CADPS: variants seen among roughly 807,000 people sequenced by gnomAD.
CADPS encodes the protein calcium dependent secretion activator.
In CADPS, 57 loss-of-function variants were observed where a neutral mutation model predicts 167.3. The observed-to-expected ratio is 0.34, with a 90% CI of 0.28 to 0.42. The LOEUF is 0.42. Ranked by LOEUF, CADPS falls within the 20% of genes least tolerant of loss-of-function variation. The pLI, the probability that CADPS is intolerant of heterozygous loss-of-function variation, is 1.00. For missense variants in CADPS, 1,414 were observed against 1,738.1 expected (o/e 0.81, Z 3.32); for synonymous variants, 676 against 635.3 (o/e 1.06, Z -0.96).
At chr3:62,432,398 T>C (rs2054165280) in intron 28 of CADPS, among the ~76,000 whole-genome samples, 1 of 152,144 alleles carries the variant, frequency 6.6e-6, no homozygotes, top group Admixed American at 6.6e-5. Flanking sequence ...GCCCCACTCC[T>C]GACCATCACT....
chr3:62,599,952 A>C (rs1188939741), intron 6 of CADPS, among the ~76,000 whole-genome samples: 1 of 114,704 alleles, frequency 8.7e-6, no homozygotes, highest in Non-Finnish European at 1.7e-5. Flanking sequence ...ATAATGTACG[A>C]TATATAATGA....
Position 62,491,769 on chromosome 3 carries a change from C to G in CADPS, c.2885-289G>C, listed in dbSNP as rs559932479. The stretch of plus-strand genomic sequence containing the variant: ...GAAACAACAGAAACAACAATCCACA[C>G]TATTTTTTTTTCTGTTTTTCTTGCA... On this transcript the variant is annotated intron_variant, in intron 20 of 29. Transcript: ENST00000383710. Among the ~76,000 whole-genome samples, 8 of 151,700 alleles carry G rather than the reference C, an allele frequency of 5.3e-5. No individual in the cohort carries two copies. In the East Asian group the frequency reaches 1.5e-3, roughly 29 times the overall value.
chr3:62,835,494 G>A (rs144645545), intron 1 of CADPS, among the ~76,000 whole-genome samples: 140 of 152,322 alleles, frequency 9.2e-4, no homozygotes, highest in African/African-American at 3.1e-3. Context: ...GTGATTGGGT[G>A]TGCTTAGCTC....
chr3:62,540,866 T>G (rs1013902000), intron 11 of CADPS, among the ~76,000 whole-genome samples: 1 of 152,136 alleles, frequency 6.6e-6, no homozygotes, highest in South Asian at 2.1e-4. Flanking sequence ...CAGTTGGAAT[T>G]GGTTGATTAA....
At chr3:62,493,571 G>A (rs969728098) in intron 19 of CADPS, 74 bp downstream of exon 19, 2 of 1,112,532 alleles carry the variant, frequency 1.8e-6, no homozygotes, top group African/African-American at 3.1e-5. Context: ...GTTATTAGAG[G>A]GATATTCTAA....
At chr3:62,723,077 A>T (rs2076112240) in intron 3 of CADPS, among the ~76,000 whole-genome samples, 1 of 152,202 alleles carries the variant, frequency 6.6e-6, no homozygotes. Flanking sequence ...TAAAGGGTGC[A>T]AGCTGGGGCC....
At chr3:62,820,385 T>C (rs1481150562) in intron 1 of CADPS, among the ~76,000 whole-genome samples, 1 of 152,176 alleles carries the variant, frequency 6.6e-6, no homozygotes, top group Non-Finnish European at 1.5e-5. Flanking sequence ...TGCCTACCCC[T>C]CCAGATTCAT....
Position 62,488,363 on chromosome 3 carries a change from C to G in CADPS, c.3026+2976G>C, listed in dbSNP as rs2063153897. Among the ~76,000 whole-genome samples the G allele has an allele frequency of 2.0e-5, 3 of 152,180 alleles. No homozygotes were observed. In the South Asian group the frequency reaches 6.2e-4, roughly 32 times the overall value. On this transcript the variant is annotated intron_variant, in intron 21 of 29. Coordinates refer to ENST00000383710, the MANE Select transcript of CADPS (RefSeq NM_003716.4). ...ATGTCTCCAAGCTCTTTTTTACACT[C>G]CATTTTATTCCATTCTGCAAAGCTG...
chr3:62,787,350 CAGAA>C (rs1383013965), intron 1 of CADPS, among the ~76,000 whole-genome samples: 2 of 152,044 alleles, frequency 1.3e-5, no homozygotes, highest in Non-Finnish European at 2.9e-5. Flanking sequence ...GTTACTAATT[CAGAA>C]AGCGTGAAAC....
intron 1 of CADPS, among the ~76,000 whole-genome samples, chr3:62,821,232 A>G (rs2094900020): frequency 6.6e-6 from 1 of 152,090 alleles, no homozygotes; most frequent in Non-Finnish European, 1.5e-5. Flanking sequence ...GGCTTAAAAC[A>G]CCACTTATTA....
intron 3 of CADPS, among the ~76,000 whole-genome samples, chr3:62,699,857 C>G (rs2081071497): frequency 2.0e-5 from 3 of 152,102 alleles, no homozygotes; most frequent in Admixed American, 2.0e-4. Context: ...CGTGCCTGGC[C>G]TGTTTTTGTA....
intron 10 of CADPS, among the ~76,000 whole-genome samples, chr3:62,554,560 G>C (rs571763466): frequency 1.3e-5 from 2 of 152,130 alleles, no homozygotes; most frequent in East Asian, 3.9e-4. Flanking sequence ...CACCTTTCAG[G>C]GAGCAGTTGA....
chr3:62,839,089 A>G (rs1444368832), intron 1 of CADPS, among the ~76,000 whole-genome samples: 1 of 152,232 alleles, frequency 6.6e-6, no homozygotes, highest in Non-Finnish European at 1.5e-5. Flanking sequence ...TTATGGGGAT[A>G]CACATGAAGA....
chr3:62,832,646 T>C lies in CADPS; in HGVS notation c.441+41943A>G, dbSNP rs571641384. ...CTAAGAAACGGAGAGCAGAGAAGAATCTATTTAACGCTGCCTCTCCTCACA... is the reference window on the plus strand; with the variant it reads ...CTAAGAAACGGAGAGCAGAGAAGAACCTATTTAACGCTGCCTCTCCTCACA... On this transcript the variant is annotated intron_variant, in intron 1 of 29. Coordinates refer to ENST00000383710, the MANE Select transcript of CADPS (RefSeq NM_003716.4). Among the ~76,000 whole-genome samples the C allele has an allele frequency of 1.2e-3, 183 of 152,332 alleles. 2 individuals carry two copies. The highest frequency in any genetic ancestry group is 4.2e-3 in the African/African-American group (174 of 41,576).
At chr3:62,855,861 A>G (rs1476762854) in intron 1 of CADPS, among the ~76,000 whole-genome samples, 3 of 152,168 alleles carry the variant, frequency 2.0e-5, no homozygotes, top group Non-Finnish European at 4.4e-5. Context: ...GCAATATGAT[A>G]AAAAACTCCT....
intron 1 of CADPS, among the ~76,000 whole-genome samples, chr3:62,788,262 G>A (rs922488105): frequency 3.9e-5 from 6 of 152,062 alleles, no homozygotes; most frequent in Non-Finnish European, 5.9e-5. Flanking sequence ...GGAAGAAATC[G>A]GGCAGGACAT....
chr3:62,415,990 C>G (rs981898583), intron 28 of CADPS, among the ~76,000 whole-genome samples: 1 of 152,084 alleles, frequency 6.6e-6, no homozygotes, highest in Non-Finnish European at 1.5e-5. Context: ...CCTCGTCATT[C>G]AAAAGAGTCT....
At chr3:62,683,291 C>T (rs1297915726) in intron 3 of CADPS, among the ~76,000 whole-genome samples, 1 of 151,946 alleles carries the variant, frequency 6.6e-6, no homozygotes, top group African/African-American at 2.4e-5. Context: ...CTGGCTCACA[C>T]AGAGGATGGA....
chr3:62,727,274 AACT>A (rs1258920892), intron 3 of CADPS, among the ~76,000 whole-genome samples: 1 of 151,914 alleles, frequency 6.6e-6, no homozygotes, highest in African/African-American at 2.4e-5. Context: ...AAGGAGAACA[AACT>A]ACTGTTACCT....
Sources: allele counts gnomAD v4.1 joint callset (sites outside exome capture counted in the v4.1 genomes callset), GRCh38; gene constraint gnomAD v4.1.1; transcripts MANE v1.5; gene names NCBI Gene and HGNC (gene_info 2026-07-23, HGNC 2026-07-21).